The following ZNF521 variants were observed in gnomAD, a reference collection of about 807,000 sequenced individuals.
ZNF521 encodes the protein LYST-interacting protein 3.
ZNF521 carries 14 observed loss-of-function variants against 105.5 expected under a neutral mutation model. That is an observed-to-expected ratio of 0.13 (90% CI 0.09 to 0.21). ZNF521 has a LOEUF of 0.21. ZNF521 is among the 10% of genes least tolerant of loss of function. ZNF521 has a pLI of 1.00. For missense variants in ZNF521, 1,233 were observed against 1,629.7 expected (o/e 0.76, Z 4.19); for synonymous variants, 635 against 606.0 (o/e 1.05, Z -0.70).
At chr18:25,072,594 A>G (rs1297668282) in intron 7 of ZNF521, among the ~76,000 whole-genome samples, 3 of 152,218 alleles carry the variant, frequency 2.0e-5, no homozygotes. Context: ...TGGGAAATAT[A>G]GTAAAGAGTA....
intron 3 of ZNF521, among the ~76,000 whole-genome samples, chr18:25,265,546 A>T (rs988318783): frequency 2.0e-5 from 3 of 152,154 alleles, no homozygotes; most frequent in Non-Finnish European, 2.9e-5. Flanking sequence ...CATCCTCCTC[A>T]TTCATTCTCA....
intron 7 of ZNF521, among the ~76,000 whole-genome samples, chr18:25,070,605 CTGACATT>C (rs1477012738): frequency 6.6e-6 from 1 of 152,158 alleles, no homozygotes; most frequent in Non-Finnish European, 1.5e-5. Context: ...CTCAGCACTA[CTGACATT>C]TGGCGCTGGA....
intron 3 of ZNF521, among the ~76,000 whole-genome samples, chr18:25,272,750 C>T (rs11083114): frequency 0.3 from 44,609 of 151,092 alleles, 6,773 homozygotes; most frequent in South Asian, 0.39. Flanking sequence ...CATCACACAC[C>T]GGGGCCTGTT....
intron 3 of ZNF521, among the ~76,000 whole-genome samples, chr18:25,253,327 C>T (rs1908246604): frequency 6.6e-6 from 1 of 152,086 alleles, no homozygotes; most frequent in Admixed American, 6.6e-5. Flanking sequence ...CAAATCACTA[C>T]GGTATTTCCA....
chr18:25,224,735 G>A lies in ZNF521; in HGVS notation c.3183C>T (p.Val1061=). 6.2e-7 allele frequency: 1 copy of A among 1,613,938 alleles called. No homozygotes were observed. The highest frequency in any genetic ancestry group is 8.5e-7 in the Non-Finnish European group (1 of 1,180,004). Residue 1061 remains valine, a synonymous_variant, in exon 4 of 8, where the codon GTC becomes GTT. Coordinates refer to ENST00000361524, the MANE Select transcript of ZNF521 (RefSeq NM_015461.3). ...AVQTTGRGQH[V]QKLYKCASCL... ...AAGATGCGCACTTATACAGTTTTTGGACGTGCTGGCCCCGCCCTGTGGTCT... is the reference window on the plus strand; with the variant it reads ...AAGATGCGCACTTATACAGTTTTTGAACGTGCTGGCCCCGCCCTGTGGTCT...
chr18:25,189,399 C>A (rs2035780679), intron 5 of ZNF521, among the ~76,000 whole-genome samples: 4 of 152,166 alleles, frequency 2.6e-5, no homozygotes. Flanking sequence ...ATTCTGTTTT[C>A]AGTTACTGTC....
intron 3 of ZNF521, among the ~76,000 whole-genome samples, chr18:25,283,925 C>T (rs920606485): frequency 2.9e-5 from 4 of 137,920 alleles, no homozygotes; most frequent in Non-Finnish European, 4.8e-5. Context: ...AATACTTTCC[C>T]CCCCCCCCAA....
intron 4 of ZNF521, among the ~76,000 whole-genome samples, chr18:25,217,939 A>C (rs1010254764): frequency 1.3e-5 from 2 of 152,202 alleles, no homozygotes; most frequent in Admixed American, 1.3e-4. Flanking sequence ...AGCCTTCTGG[A>C]AGGTGGAAGA....
At chr18:25,262,198 C>T (rs529264984) in intron 3 of ZNF521, among the ~76,000 whole-genome samples, 1 of 152,142 alleles carries the variant, frequency 6.6e-6, no homozygotes, top group South Asian at 2.1e-4. Context: ...ACAAGACCTG[C>T]TCTGAAAAAA....
intron 3 of ZNF521, among the ~76,000 whole-genome samples, chr18:25,313,637 C>T (rs2145118174): frequency 6.6e-6 from 1 of 152,264 alleles, no homozygotes; most frequent in South Asian, 2.1e-4. Context: ...TCAGTTTTAA[C>T]AGCCATTAAA....
Position 25,093,390 on chromosome 18 carries a change from G to C in ZNF521, c.3659-1309C>G, listed in dbSNP as rs78140638. Among the ~76,000 whole-genome samples, 313 of 152,186 alleles carry C rather than the reference G, an allele frequency of 2.1e-3. 4 individuals carry two copies. The highest frequency in any genetic ancestry group is 0.016 in the Admixed American group (240 of 15,282). On this transcript the variant is annotated intron_variant, in intron 5 of 7. Coordinates refer to ENST00000361524, the MANE Select transcript of ZNF521 (RefSeq NM_015461.3). ...TAAAAAATGCTACTAAGACATTCTAGGTCTAGGGAATGAAAGACACCGTCA... is the reference window on the plus strand; with the variant it reads ...TAAAAAATGCTACTAAGACATTCTACGTCTAGGGAATGAAAGACACCGTCA...
At chr18:25,190,605 C>A (rs1259014382) in intron 5 of ZNF521, among the ~76,000 whole-genome samples, 1 of 152,148 alleles carries the variant, frequency 6.6e-6, no homozygotes, top group Non-Finnish European at 1.5e-5. Flanking sequence ...AGAGGTGATA[C>A]TGAAAGTCGC....
At chr18:25,233,057 GA>G (rs1235850922) in intron 3 of ZNF521, among the ~76,000 whole-genome samples, 1 of 152,180 alleles carries the variant, frequency 6.6e-6, no homozygotes, top group Non-Finnish European at 1.5e-5. Context: ...TCTACTTAAA[GA>G]GGACAATATT....
chr18:25,132,730 A>G (rs2034662444), intron 5 of ZNF521, among the ~76,000 whole-genome samples: 1 of 152,200 alleles, frequency 6.6e-6, no homozygotes, highest in South Asian at 2.1e-4. Context: ...TGACAAGCCC[A>G]CATTTGGTAA....
rs1910781743 is a variant in ZNF521 at position 25,287,617 on chromosome 18, A to AT, written c.220+34390_220+34391insA. Among the ~76,000 whole-genome samples, 4 of 152,262 alleles carry AT rather than the reference A, an allele frequency of 2.6e-5. No homozygotes were observed. In the South Asian group the frequency reaches 8.3e-4, roughly 32 times the overall value. On this transcript the variant is annotated intron_variant, in intron 3 of 7. Coordinates refer to ENST00000361524, the MANE Select transcript of ZNF521 (RefSeq NM_015461.3). ...TCAGGAGAAATTCAGAAAAAAAAAA[A>AT]AGAGAGTATAAAGGTCAGCAACTAT...
intron 4 of ZNF521, among the ~76,000 whole-genome samples, chr18:25,206,248 T>C (rs770099896): frequency 2.0e-5 from 3 of 152,136 alleles, no homozygotes; most frequent in Non-Finnish European, 4.4e-5. Flanking sequence ...CCTCAAGTGA[T>C]CCGCCCACTT....
intron 7 of ZNF521, among the ~76,000 whole-genome samples, chr18:25,071,651 C>A (rs1201863541): frequency 6.6e-6 from 1 of 152,094 alleles, no homozygotes; most frequent in Non-Finnish European, 1.5e-5. Flanking sequence ...TGGTACATAG[C>A]AGCATCTGGT....
intron 5 of ZNF521, among the ~76,000 whole-genome samples, chr18:25,138,062 G>A (rs56044429): frequency 0.27 from 40,347 of 151,942 alleles, 6,215 homozygotes; most frequent in Non-Finnish European, 0.34. Context: ...TAGGGCCTCC[G>A]CTGGTAGAAC....
chr18:25,253,132 C>T (rs1234233511), intron 3 of ZNF521, among the ~76,000 whole-genome samples: 1 of 152,098 alleles, frequency 6.6e-6, no homozygotes, highest in Non-Finnish European at 1.5e-5. Context: ...TTATTATTTA[C>T]AGCAGTACTT....
Sources: gnomAD v4.1 joint callset for allele counts (sites outside exome capture counted in the v4.1 genomes callset) on GRCh38, gnomAD v4.1.1 for gene constraint, MANE v1.5 for transcripts, NCBI Gene and HGNC (gene_info 2026-07-23, HGNC 2026-07-21) for gene names.